The following SLC4A4 variants were observed in gnomAD, a reference collection of about 807,000 sequenced individuals.
The protein encoded by SLC4A4 is solute carrier family 4 member 4, also known as electrogenic sodium bicarbonate cotransporter 1.
In SLC4A4, 27 loss-of-function variants were observed where a neutral mutation model predicts 111.5. That is an observed-to-expected ratio of 0.24 (90% CI 0.18 to 0.33). The LOEUF (loss-of-function observed/expected upper bound fraction) is 0.33, where lower values mean the gene tolerates loss of function less well. Ranked by LOEUF, SLC4A4 falls within the 10% of genes least tolerant of loss-of-function variation. SLC4A4 has a pLI of 1.00. For missense variants in SLC4A4, 909 were observed against 1,315.5 expected (o/e 0.69, Z 4.78); for synonymous variants, 443 against 463.4 (o/e 0.96, Z 0.57).
chr4:71,242,711 CTTAA>C (rs1391081312), intron 2 of SLC4A4, among the ~76,000 whole-genome samples: 2 of 150,946 alleles, frequency 1.3e-5, no homozygotes, highest in Admixed American at 6.6e-5. Flanking sequence ...CTTTTAATTA[CTTAA>C]TTAATTATTT....
intron 6 of SLC4A4, among the ~76,000 whole-genome samples, chr4:71,391,864 C>T (rs1410906892): frequency 1.3e-5 from 2 of 151,958 alleles, no homozygotes; most frequent in Non-Finnish European, 2.9e-5. Flanking sequence ...ACCACTTGCC[C>T]AAGAAGCAAC....
intron 1 of SLC4A4, among the ~76,000 whole-genome samples, chr4:71,226,322 A>G (rs1203007682): frequency 6.6e-6 from 1 of 152,154 alleles, no homozygotes; most frequent in Non-Finnish European, 1.5e-5. Context: ...GCTTCTGGCT[A>G]TTTAAAGTAG....
chr4:71,558,196 C>G (rs1041892606), intron 22 of SLC4A4, among the ~76,000 whole-genome samples: 4 of 151,894 alleles, frequency 2.6e-5, no homozygotes, highest in Non-Finnish European at 2.9e-5. Context: ...AAATTAATAT[C>G]AAGCATGTAG....
At chr4:71,476,798 C>G (rs1426652796) in intron 14 of SLC4A4, among the ~76,000 whole-genome samples, 1 of 151,556 alleles carries the variant, frequency 6.6e-6, no homozygotes, top group African/African-American at 2.4e-5. Flanking sequence ...GTTGCAAGTG[C>G]TAGTAGGAAA....
At chr4:71,539,872 CATGGCTCTCAGTTGTTACA>C (rs1409845874) in intron 18 of SLC4A4, among the ~76,000 whole-genome samples, 3 of 152,150 alleles carry the variant, frequency 2.0e-5, no homozygotes, top group African/African-American at 7.2e-5. Flanking sequence ...CTTTGGCCCA[CATGGCTCTCAGTTGTTACA>C]CTGTGTGAAA....
intron 2 of SLC4A4, among the ~76,000 whole-genome samples, chr4:71,173,284 T>C (rs1744992342): frequency 6.6e-6 from 1 of 152,246 alleles, no homozygotes; most frequent in African/African-American, 2.4e-5. Context: ...TATCAGTATA[T>C]ATGTGCTCTG....
chr4:71,251,291 A>C (rs1007440850), intron 2 of SLC4A4, among the ~76,000 whole-genome samples: 1 of 152,194 alleles, frequency 6.6e-6, no homozygotes, highest in Non-Finnish European at 1.5e-5. Flanking sequence ...TTGCCAGAAA[A>C]CATTGTAGCA....
At chr4:71,394,969 C>T (rs1433392739) in intron 6 of SLC4A4, among the ~76,000 whole-genome samples, 1 of 152,026 alleles carries the variant, frequency 6.6e-6, no homozygotes, top group African/African-American at 2.4e-5. Context: ...AAATATGGTG[C>T]AGTATATATT....
chr4:71,289,401 T>C (rs1724155898), intron 3 of SLC4A4, among the ~76,000 whole-genome samples: 1 of 152,248 alleles, frequency 6.6e-6, no homozygotes, highest in South Asian at 2.1e-4. Flanking sequence ...AGTTAGTGGA[T>C]ACCTGCTGGT....
chr4:71,362,225 T>G (rs1730860066), intron 6 of SLC4A4, among the ~76,000 whole-genome samples: 1 of 152,214 alleles, frequency 6.6e-6, no homozygotes, highest in Admixed American at 6.5e-5. Flanking sequence ...AGATGCCCTT[T>G]GCTGAGAATT....
At chr4:71,274,972 T>G (rs1294187832) in intron 3 of SLC4A4, among the ~76,000 whole-genome samples, 1 of 150,330 alleles carries the variant, frequency 6.7e-6, no homozygotes, top group Non-Finnish European at 1.5e-5. Flanking sequence ...TTGCTGAAGA[T>G]TCTGTTTTTT....
intron 7 of SLC4A4, among the ~76,000 whole-genome samples, chr4:71,398,257 C>T (rs1230176942): frequency 6.6e-6 from 1 of 150,628 alleles, no homozygotes; most frequent in Non-Finnish European, 1.5e-5. Flanking sequence ...TGTGCTCCAA[C>T]CTCAGTGACA....
At chr4:71,216,110 T>C (rs934568278) in intron 1 of SLC4A4, among the ~76,000 whole-genome samples, 3 of 152,022 alleles carry the variant, frequency 2.0e-5, no homozygotes, top group Non-Finnish European at 2.9e-5. Context: ...GGTTTCACCA[T>C]GTTGGCCATG....
intron 2 of SLC4A4, among the ~76,000 whole-genome samples, chr4:71,129,784 CAAAAA>C (rs35737857): frequency 6.6e-5 from 5 of 75,566 alleles, no homozygotes; most frequent in Non-Finnish European, 5.1e-5. Flanking sequence ...TACCATGCAC[CAAAAA>C]AAAAAAAAAA....
chr4:71,418,347 T>C (rs531015059), intron 7 of SLC4A4, among the ~76,000 whole-genome samples: 21 of 152,264 alleles, frequency 1.4e-4, no homozygotes, highest in Non-Finnish European at 2.9e-4. Context: ...GGAAATGGAG[T>C]AAACACAAGT....
At chr4:71,565,249 A>G (rs532283134) in intron 24 of SLC4A4, among the ~76,000 whole-genome samples, 16 of 151,828 alleles carry the variant, frequency 1.1e-4, no homozygotes, top group African/African-American at 3.9e-4. Context: ...CGAAGTGTGA[A>G]TTGGCCTTAT....
intron 2 of SLC4A4, among the ~76,000 whole-genome samples, chr4:71,103,759 T>G (rs1480897251): frequency 7.2e-5 from 11 of 152,132 alleles, no homozygotes; most frequent in Admixed American, 4.6e-4. Context: ...ATCTCTGGGA[T>G]GCATTTAAAG....
At chr4:71,502,878 C>G (rs1026164001) in intron 16 of SLC4A4, among the ~76,000 whole-genome samples, 5 of 152,024 alleles carry the variant, frequency 3.3e-5, no homozygotes, top group African/African-American at 1.2e-4. Context: ...GTCCAATGTT[C>G]CTTGTTGATT....
In SLC4A4 at chr4:71,146,770, G is replaced by A. The variant is rs931301921; in HGVS notation, c.-2+53978G>A. Among the ~76,000 whole-genome samples the A allele has an allele frequency of 2.8e-4, 42 of 152,122 alleles. 1 individual carries two copies. The highest frequency in any genetic ancestry group is 5.9e-4 in the Non-Finnish European group (40 of 68,014). On this transcript the variant is annotated intron_variant, in intron 2 of 26. Transcript: ENST00000649996. ...ACATGGAAAGGAACAACTGGTACCA[G>A]CCACTGCAAAAACATGCCAAACTGT... is the stretch of plus-strand genomic sequence containing the variant.
Sources: allele counts gnomAD v4.1 joint callset (sites outside exome capture counted in the v4.1 genomes callset), GRCh38; gene constraint gnomAD v4.1.1; transcripts MANE v1.5; gene names NCBI Gene and HGNC (gene_info 2026-07-23, HGNC 2026-07-21).